BAHCC1: variants seen among roughly 807,000 people sequenced by gnomAD.
The protein encoded by BAHCC1 is BAH domain and coiled-coil containing 1, also known as BAH and coiled-coil domain-containing protein 1.
Under a neutral mutation model 88.2 loss-of-function variants are expected in BAHCC1, and 43 were observed. That is an observed-to-expected ratio of 0.49 (90% CI 0.38 to 0.63). The LOEUF is 0.63. Ranked by LOEUF, BAHCC1 falls within the 20% of genes least tolerant of loss-of-function variation. The pLI, the probability that BAHCC1 is intolerant of heterozygous loss-of-function variation, is 0.00. For synonymous variants in BAHCC1, 1,510 were observed against 745.5 expected, an observed-to-expected ratio of 2.03 and a Z score of -16.71; for missense variants, 3,023 against 1,654.8, an observed-to-expected ratio of 1.83 and a Z score of -14.34.
chr17:81,413,526 TC>T (rs1286733729), intron 2 of BAHCC1, among the ~76,000 whole-genome samples: 17 of 152,208 alleles, frequency 1.1e-4, no homozygotes, highest in African/African-American at 4.1e-4. Context: ...CCGTGGACCG[TC>T]CCCACCCCAG....
intron 2 of BAHCC1, among the ~76,000 whole-genome samples, chr17:81,414,781 C>T (rs945139851): frequency 2.6e-5 from 4 of 152,176 alleles, no homozygotes; most frequent in Admixed American, 6.5e-5. Flanking sequence ...GGCCCCGGGA[C>T]GGGGTGAGGC....
At chr17:81,413,692 C>G (rs6565566) in intron 2 of BAHCC1, among the ~76,000 whole-genome samples, 148,243 of 152,332 alleles carry the variant, frequency 0.97, 72,167 homozygotes, top group East Asian at 1. Flanking sequence ...CGGGAGGCAG[C>G]CCGCTCGGAC....
chr17:81,408,121 C>T (rs1276952072), intron 2 of BAHCC1, among the ~76,000 whole-genome samples: 1 of 152,202 alleles, frequency 6.6e-6, no homozygotes, highest in African/African-American at 2.4e-5. Flanking sequence ...TGGACCGTGT[C>T]CTCGGGCTCC....
chr17:81,455,498 G>A (rs1325841491), intron 15 of BAHCC1, 108 bp downstream of exon 15: 6 of 635,534 alleles, frequency 9.4e-6, no homozygotes, highest in Non-Finnish European at 1.7e-5. Context: ...CCATTGCTCA[G>A]ATGAGCGAAG....
chr17:81,410,985 G>A (rs574584483), intron 2 of BAHCC1: 4 of 463,644 alleles, frequency 8.6e-6, no homozygotes, highest in Admixed American at 2.3e-5. Context: ...TGAAAGGAGG[G>A]CTTCGGAGCC....
Position 81,426,889 on chromosome 17 carries a change from C to T in BAHCC1, c.268C>T (p.Pro90Ser), listed in dbSNP as rs2064206424. The T allele has an allele frequency of 5.0e-6, 2 of 398,918 alleles. No homozygotes were observed. Among genetic ancestry groups the T allele is most frequent in the East Asian group, 3.6e-5 (1 of 28,108 alleles). 24.7% of individuals were successfully genotyped at this position (398,918 alleles called of 1,614,324 possible). The change falls in exon 3 of 28, where the codon CCC (proline) becomes TCC (serine). Residue 90 changes from proline (P) to serine (S), a missense_variant. Physicochemically the swap from Pro to Ser is moderately conservative, Grantham distance 74 (BLOSUM62 -1). Transcript: ENST00000675386. ...CCTGGGCTCGGCAGCCTCCACGCACCCCAGCGGCCCCAGCTCCTCCCCCCC... is the reference window on the plus strand; with the variant it reads ...CCTGGGCTCGGCAGCCTCCACGCACTCCAGCGGCCCCAGCTCCTCCCCCCC... Reference protein sequence around the residue: ...SSLGSAASTHPSGPSSSPPEQ... With the variant: ...SSLGSAASTHSSGPSSSPPEQ...
chr17:81,450,247 G>T (rs2064608850), intron 11 of BAHCC1, among the ~76,000 whole-genome samples: 1 of 152,102 alleles, frequency 6.6e-6, no homozygotes. Flanking sequence ...ACCGCAAGGT[G>T]TCTGGCTCCT....
intron 1 of BAHCC1, among the ~76,000 whole-genome samples, chr17:81,398,332 T>C (rs1432967647): frequency 6.6e-6 from 1 of 152,174 alleles, no homozygotes; most frequent in Admixed American, 6.5e-5. Flanking sequence ...GAGTGGATGC[T>C]CCGCGTTGGG....
intron 2 of BAHCC1, among the ~76,000 whole-genome samples, chr17:81,404,266 G>A (rs565473470): frequency 1.3e-5 from 2 of 152,228 alleles, no homozygotes; most frequent in Admixed American, 6.5e-5. Flanking sequence ...AGAGCACAGA[G>A]TTAAATAAAT....
In BAHCC1 at chr17:81,445,655, C is replaced by T. The variant is rs782315700; in HGVS notation, c.3137C>T (p.Thr1046Met). The T allele has an allele frequency of 3.8e-5, 28 of 732,008 alleles. No homozygotes were observed. The highest frequency in any genetic ancestry group is 2.9e-5 in the South Asian group (2 of 68,496). 45.3% of individuals were successfully genotyped at this position (732,008 alleles called of 1,614,324 possible). Residue 1046 changes from threonine (T) to methionine (M), a missense_variant, in exon 10 of 28, where the codon ACG becomes ATG. Transcript: ENST00000675386. ...EEKNGEGQQS[T>M]ADIITSEPDL... ...AAGAATGGGGAGGGTCAGCAGTCCA[C>T]GGCCGACATCATCACATCCGAACCA...
At chr17:81,404,830 T>C (rs995704250) in intron 2 of BAHCC1, among the ~76,000 whole-genome samples, 7 of 152,136 alleles carry the variant, frequency 4.6e-5, no homozygotes, top group Non-Finnish European at 8.8e-5. Flanking sequence ...CGGGCACCTT[T>C]GTTCTCCTTC....
In BAHCC1 at chr17:81,423,001, C is replaced by T. The variant is rs375674107; in HGVS notation, c.179-3799C>T. Among the ~76,000 whole-genome samples, 76 of 152,308 alleles carry T rather than the reference C, an allele frequency of 5.0e-4. 1 individual carries two copies. In the East Asian group the frequency reaches 8.7e-3, roughly 17 times the overall value. ...AACCCAGAGTCCCCTCCCTGGCTGC[C>T]GGGCCTGTGGTCTGGCCCCGGCCCA... On this transcript the variant is annotated intron_variant, in intron 2 of 27. Transcript: ENST00000675386.
intron 2 of BAHCC1, chr17:81,415,577 C>G: frequency 1.9e-6 from 1 of 514,240 alleles, no homozygotes; most frequent in Middle Eastern, 3.2e-4. Context: ...CTGGCCCCAG[C>G]CCCTTCCTGG....
At chr17:81,408,223 C>T (rs954825963) in intron 2 of BAHCC1, among the ~76,000 whole-genome samples, 7 of 152,198 alleles carry the variant, frequency 4.6e-5, no homozygotes, top group Non-Finnish European at 8.8e-5. Context: ...GCGAATGCCT[C>T]GGGGCCAGGT....
chr17:81,411,502 GCCTGCCTGCCTGCCTTCCTT>G lies in BAHCC1; in HGVS notation c.178+11589_178+11608del, dbSNP rs1338842127. 383 of 320,018 alleles carry G rather than the reference GCCTGCCTGCCTGCCTTCCTT, an allele frequency of 1.2e-3. 4 individuals are homozygous for G. The highest frequency in any genetic ancestry group is 0.011 in the African/African-American group (333 of 30,144). 19.8% of individuals were successfully genotyped at this position (320,018 alleles called of 1,614,324 possible). On this transcript the variant is annotated intron_variant, in intron 2 of 27. Transcript: ENST00000675386. The surrounding 1 kb of genome is among the most constrained non-coding windows in gnomAD (Gnocchi z 6.2). The stretch of plus-strand genomic sequence containing the variant: ...TGCCTGCCTGCCTGCCTGCCTGCCT[GCCTGCCTGCCTGCCTTCCTT>G]CCTTCCTTCCTTCCTTCCTTCCTTC...
chr17:81,415,561 C>T (rs782219083), intron 2 of BAHCC1: 10 of 515,876 alleles, frequency 1.9e-5, no homozygotes, highest in Admixed American at 1.2e-4. Flanking sequence ...CCTGCAGTGA[C>T]CTGTGCTGGC....
chr17:81,459,300 A>G lies in BAHCC1; in HGVS notation c.5768A>G (p.Tyr1923Cys), dbSNP rs782796643. Reference sequence around the variant, plus strand: ...GAGAGGGGCAACCGGCAGAGGATCTACTCACTGGAGCAGCTGCTGCAGGAA... The same window carrying G: ...GAGAGGGGCAACCGGCAGAGGATCTGCTCACTGGAGCAGCTGCTGCAGGAA... ...EGERGNRQRI[Y>C]SLEQLLQEAV... Residue 1923 changes from tyrosine (Y) to cysteine (C), a missense_variant, in exon 22 of 28, where the codon TAC becomes TGC. Tyr to Cys is a radical substitution (Grantham distance 194). Transcript: ENST00000675386. 2 of 779,086 alleles carry G rather than the reference A, an allele frequency of 2.6e-6. No individual in the cohort carries two copies. Among genetic ancestry groups the G allele is most frequent in the Admixed American group, 3.4e-5 (2 of 58,976 alleles). The allele number at this position is 779,086 out of a possible 1,614,324, so 48.3% of individuals were successfully genotyped here.
chr17:81,399,201 G>C lies in BAHCC1; in HGVS notation c.-206-333G>C, dbSNP rs1555645458. The C allele has an allele frequency of 2.4e-6, 1 of 423,290 alleles. No homozygotes were observed. Among genetic ancestry groups the C allele is most frequent in the South Asian group, 1.6e-5 (1 of 62,236 alleles). 26.2% of individuals were successfully genotyped at this position (423,290 alleles called of 1,614,324 possible). A position where few individuals can be genotyped will look rare whatever the true frequency, so the allele number is the denominator to read the frequency against. Reference sequence around the variant, plus strand: ...AGATTTGGGTTTTTATCACCCAGCAGAGCCAGCAGCCTCTTCGCCGCGGCG... The same window carrying C: ...AGATTTGGGTTTTTATCACCCAGCACAGCCAGCAGCCTCTTCGCCGCGGCG... On this transcript the variant is annotated intron_variant, in intron 1 of 27. Coordinates refer to ENST00000675386, the MANE Select transcript of BAHCC1 (RefSeq NM_001377448.1). The surrounding 1 kb of genome is among the most constrained non-coding windows in gnomAD (Gnocchi z 4.5).
Position 81,434,379 on chromosome 17 carries a change from G to A in BAHCC1, c.359-3991G>A, listed in dbSNP as rs1555651412. ...CGAGGCTCAGCCGTGGGAGGCCAGC[G>A]TGGCAGACCTTCCCCCAGGGAGGAG... On this transcript the variant is annotated intron_variant, in intron 3 of 27. Transcript: ENST00000675386. The surrounding 1 kb of genome is among the most constrained non-coding windows in gnomAD (Gnocchi z 4.9). Among the ~76,000 whole-genome samples the A allele has an allele frequency of 4.6e-5, 7 of 152,216 alleles. No homozygotes were observed. The highest frequency in any genetic ancestry group is 3.9e-4 in the Admixed American group (6 of 15,290).
Sources: gnomAD v4.1 joint callset for allele counts (sites outside exome capture counted in the v4.1 genomes callset) on GRCh38, gnomAD v4.1.1 for gene constraint, Gnocchi (gnomAD v3.1) non-coding constraint, MANE v1.5 for transcripts, NCBI Gene and HGNC (gene_info 2026-07-23, HGNC 2026-07-21) for gene names.